CCDC148: variants seen among roughly 807,000 people sequenced by gnomAD.
The protein encoded by CCDC148 is coiled-coil domain containing 148.
CCDC148 carries 89 observed loss-of-function variants against 85.7 expected under a neutral mutation model. That is an observed-to-expected ratio of 1.04 (90% CI 0.87 to 1.24). CCDC148 has a LOEUF of 1.24. CCDC148 is among the 50% of genes most tolerant of loss of function. The pLI, the probability that CCDC148 is intolerant of heterozygous loss-of-function variation, is 0.00. For synonymous variants in CCDC148, 230 were observed against 213.9 expected (o/e 1.08, Z -0.66); for missense variants, 692 against 671.7 (o/e 1.03, Z -0.33).
intron 2 of CCDC148, 42 bp from the exon 3 acceptor site, chr2:158,345,360 C>T (rs1240642904): frequency 1.5e-6 from 2 of 1,371,776 alleles, no homozygotes; most frequent in Non-Finnish European, 2.0e-6. Flanking sequence ...TCAAAGTTTT[C>T]AGAATGTGTT....
chr2:158,401,571 T>C (rs1325706830), intron 1 of CCDC148, among the ~76,000 whole-genome samples: 1 of 151,972 alleles, frequency 6.6e-6, no homozygotes, highest in African/African-American at 2.4e-5. Flanking sequence ...AGGGATAGCA[T>C]TAGGAGAAAA....
chr2:158,386,908 T>C (rs1685108308), intron 1 of CCDC148, among the ~76,000 whole-genome samples: 1 of 152,128 alleles, frequency 6.6e-6, no homozygotes, highest in South Asian at 2.1e-4. Context: ...TGCCCTATTC[T>C]TGTTCTAGTT....
rs527699437 is a variant in CCDC148 at position 158,221,072 on chromosome 2, T to C, written c.1252-359A>G. On this transcript the variant is annotated intron_variant, in intron 10 of 13. Transcript: ENST00000283233. ...TACCTGTTACTCAAGAATATTTTTA[T>C]CTTCTTATGGTAATGCAGTCTTTAA... Among the ~76,000 whole-genome samples the C allele has an allele frequency of 3.3e-5, 5 of 152,342 alleles. No homozygotes were observed. The South Asian group carries it at 1.0e-3, about 32-fold the overall frequency.
intron 9 of CCDC148, among the ~76,000 whole-genome samples, chr2:158,275,816 C>T (rs1689914473): frequency 1.3e-5 from 2 of 151,790 alleles, no homozygotes; most frequent in African/African-American, 2.4e-5. Context: ...AAAGTATATC[C>T]TATGATGAGG....
rs1055024611 is a variant in CCDC148 at position 158,307,000 on chromosome 2, C to T, written c.1110+2433G>A. Among the ~76,000 whole-genome samples the T allele has an allele frequency of 5.4e-5, 7 of 130,594 alleles. 1 individual carries two copies. The highest frequency in any genetic ancestry group is 5.3e-4 in the South Asian group (2 of 3,776). 85.7% of individuals were successfully genotyped at this position (130,594 alleles called of 152,430 possible). A position where few individuals can be genotyped will look rare whatever the true frequency, so the allele number is the denominator to read the frequency against. On this transcript the variant is annotated intron_variant, in intron 9 of 13. Coordinates refer to ENST00000283233, the MANE Select transcript of CCDC148 (RefSeq NM_138803.4). Reference sequence around the variant, plus strand: ...CACCACTGCACTCCACCCTGGGCGACAGAGCAAGACTCCATCTCAAAAAAA... The same window carrying T: ...CACCACTGCACTCCACCCTGGGCGATAGAGCAAGACTCCATCTCAAAAAAA...
chr2:158,390,208 T>C (rs1685247690), intron 1 of CCDC148, among the ~76,000 whole-genome samples: 1 of 152,148 alleles, frequency 6.6e-6, no homozygotes, highest in Non-Finnish European at 1.5e-5. Flanking sequence ...ACTTACATAT[T>C]ATATGGCTCA....
At chr2:158,190,129 G>A (rs1322345967) in intron 11 of CCDC148, among the ~76,000 whole-genome samples, 1 of 151,868 alleles carries the variant, frequency 6.6e-6, no homozygotes, top group Non-Finnish European at 1.5e-5. Context: ...TTGAATTACT[G>A]GAGAACAAAT....
At chr2:158,359,135 T>C (rs1683811749) in intron 1 of CCDC148, among the ~76,000 whole-genome samples, 2 of 152,192 alleles carry the variant, frequency 1.3e-5, no homozygotes, top group African/African-American at 4.8e-5. Flanking sequence ...AATGTCCTAG[T>C]CTGGTATGAT....
chr2:158,391,003 T>A (rs1685280149), intron 1 of CCDC148, among the ~76,000 whole-genome samples: 1 of 152,174 alleles, frequency 6.6e-6, no homozygotes, highest in South Asian at 2.1e-4. Flanking sequence ...GGCAAAGGTG[T>A]AATACATGGC....
chr2:158,177,200 A>T (rs1467122148), intron 12 of CCDC148, among the ~76,000 whole-genome samples: 1 of 151,776 alleles, frequency 6.6e-6, no homozygotes, highest in Non-Finnish European at 1.5e-5. Context: ...ATTTCCAGGG[A>T]CTGCTATAAA....
chr2:158,444,686 G>A (rs1166659562), intron 1 of CCDC148, among the ~76,000 whole-genome samples: 1 of 151,132 alleles, frequency 6.6e-6, no homozygotes, highest in Non-Finnish European at 1.5e-5. Flanking sequence ...GGAGGGCTGA[G>A]GCAGGAGGAT....
At chr2:158,416,920 G>A (rs901460795) in intron 1 of CCDC148, among the ~76,000 whole-genome samples, 2 of 152,198 alleles carry the variant, frequency 1.3e-5, no homozygotes, top group African/African-American at 2.4e-5. Flanking sequence ...TCTGCAGGCT[G>A]TACAGGAAAC....
chr2:158,419,935 T>C (rs1686691262), intron 1 of CCDC148: 1 of 152,028 alleles, frequency 6.6e-6, no homozygotes, highest in South Asian at 2.1e-4. Context: ...TTTAACCATA[T>C]TAAATACAGA....
intron 13 of CCDC148, among the ~76,000 whole-genome samples, chr2:158,173,880 A>AT (rs985339934): frequency 6.6e-5 from 10 of 151,558 alleles, no homozygotes; most frequent in Admixed American, 2.0e-4. Flanking sequence ...TGAGGCTTAA[A>AT]TTTTTTTTTA....
At chr2:158,398,890 A>T (rs1574752799) in intron 1 of CCDC148, among the ~76,000 whole-genome samples, 1 of 152,166 alleles carries the variant, frequency 6.6e-6, no homozygotes, top group African/African-American at 2.4e-5. Flanking sequence ...AAGACTAATA[A>T]AGAAGAAAAA....
chr2:158,287,651 G>A (rs1247167579), intron 9 of CCDC148, among the ~76,000 whole-genome samples: 2 of 152,230 alleles, frequency 1.3e-5, no homozygotes, highest in Non-Finnish European at 2.9e-5. Flanking sequence ...GTGATCTTGA[G>A]CAGCTCTGCC....
intron 9 of CCDC148, among the ~76,000 whole-genome samples, chr2:158,302,965 C>G (rs754115430): frequency 6.6e-6 from 1 of 152,016 alleles, no homozygotes; most frequent in Non-Finnish European, 1.5e-5. Context: ...CTGCTTCCTC[C>G]CTTTACTCTC....
At chr2:158,290,672 C>G (rs1690846646) in intron 9 of CCDC148, among the ~76,000 whole-genome samples, 1 of 152,030 alleles carries the variant, frequency 6.6e-6, no homozygotes, top group Non-Finnish European at 1.5e-5. Context: ...TTTTTGCTCT[C>G]TTGTAGTATT....
intron 12 of CCDC148, among the ~76,000 whole-genome samples, chr2:158,177,134 A>T (rs186151136): frequency 7.7e-4 from 117 of 152,080 alleles, no homozygotes; most frequent in African/African-American, 2.7e-3. Context: ...TCTTGGGTCA[A>T]GTGTGTTGGC....
Sources: allele counts gnomAD v4.1 joint callset (sites outside exome capture counted in the v4.1 genomes callset), GRCh38; gene constraint gnomAD v4.1.1; transcripts MANE v1.5; gene names NCBI Gene and HGNC (gene_info 2026-07-23, HGNC 2026-07-21).